ATR: variants seen among roughly 807,000 people sequenced by gnomAD.
The protein encoded by ATR is serine/threonine-protein kinase ATR.
In ATR, 142 loss-of-function variants were observed where a neutral mutation model predicts 305.3. The ratio of observed to expected loss-of-function variants is 0.47; its 90% CI spans 0.41 to 0.53. The LOEUF is 0.53. Among genes scored for constraint, ATR ranks in the 20% least tolerant of loss-of-function variants. The pLI is 0.00. For synonymous variants in ATR, 1,050 were observed against 1,068.1 expected, an observed-to-expected ratio of 0.98 and a Z score of 0.33; for missense variants, 2,135 against 3,133.1, an observed-to-expected ratio of 0.68 and a Z score of 7.60.
In ATR at chr3:142,496,527, G is replaced by C. The variant is rs1283136719; in HGVS notation, c.5739-7C>G. ...CATTTCATTGTAATCTGGTCTAAAG[G>C]AAGTAACAACACATTGGTGAGAGAG... On this transcript the variant is annotated splice_region_variant and splice_polypyrimidine_tract_variant and intron_variant, in intron 33 of 46. Coordinates refer to ENST00000350721, the MANE Select transcript of ATR (RefSeq NM_001184.4). 2 of 1,548,944 alleles carry C rather than the reference G, an allele frequency of 1.3e-6. No individual in the cohort carries two copies. The highest frequency in any genetic ancestry group is 1.8e-6 in the Non-Finnish European group (2 of 1,131,722).
intron 23 of ATR, among the ~76,000 whole-genome samples, chr3:142,521,314 C>T (rs2108392378): frequency 6.6e-6 from 1 of 152,234 alleles, no homozygotes; most frequent in East Asian, 1.9e-4. Flanking sequence ...TGACAATGTA[C>T]CTGTCACCTG....
intron 36 of ATR, among the ~76,000 whole-genome samples, chr3:142,477,263 C>T (rs1350724853): frequency 1.3e-5 from 2 of 152,108 alleles, no homozygotes; most frequent in Admixed American, 6.6e-5. Flanking sequence ...TTAGATATGT[C>T]CCATCAATAC....
At chr3:142,571,239 A>C (rs532258774) in intron 1 of ATR, among the ~76,000 whole-genome samples, 1 of 152,242 alleles carries the variant, frequency 6.6e-6, no homozygotes, top group African/African-American at 2.4e-5. Context: ...AGGCTAAGGC[A>C]GGCGGATCAT....
At chr3:142,548,599 G>A (rs554711006) in intron 15 of ATR, among the ~76,000 whole-genome samples, 1 of 151,614 alleles carries the variant, frequency 6.6e-6, no homozygotes. Flanking sequence ...AACCCAGGAG[G>A]TGGAGGTTGC....
Position 142,493,317 on chromosome 3 carries a change from A to G in ATR, c.5899-6T>C. Reference sequence around the variant, plus strand: ...AGTGCCTGGTGAACATCACCCTAAAAGAAAAAAGGCAACAATAAGCCTTTT... The same window carrying G: ...AGTGCCTGGTGAACATCACCCTAAAGGAAAAAAGGCAACAATAAGCCTTTT... On this transcript the variant is annotated splice_region_variant and splice_polypyrimidine_tract_variant and intron_variant, in intron 34 of 46. Transcript: ENST00000350721. The G allele has an allele frequency of 6.2e-7, 1 of 1,609,474 alleles. No homozygotes were observed. The highest frequency in any genetic ancestry group is 1.3e-5 in the African/African-American group (1 of 74,908).
At chr3:142,546,250 C>T (rs957891860) in intron 16 of ATR, among the ~76,000 whole-genome samples, 8 of 152,156 alleles carry the variant, frequency 5.3e-5, no homozygotes, top group Admixed American at 3.9e-4. Flanking sequence ...CCTCATGGTT[C>T]TGGCTCTCAA....
intron 34 of ATR, 67 bp downstream of exon 34, chr3:142,496,294 A>G (rs1473346354): frequency 1.7e-5 from 1 of 59,910 alleles, no homozygotes; most frequent in Non-Finnish European, 2.4e-5. Flanking sequence ...ATATATATAT[A>G]TATATATATA....
intron 38 of ATR, among the ~76,000 whole-genome samples, chr3:142,468,559 A>G (rs1214689248): frequency 5.3e-5 from 8 of 152,208 alleles, no homozygotes; most frequent in Admixed American, 5.2e-4. Context: ...AACATTAATG[A>G]ATGGCCCAAG....
chr3:142,568,791 G>A (rs1264038629), intron 1 of ATR, among the ~76,000 whole-genome samples: 1 of 152,264 alleles, frequency 6.6e-6, no homozygotes, highest in Middle Eastern at 3.2e-3. Flanking sequence ...TTGTGGGGGA[G>A]CCCAGGTGTT....
At chr3:142,505,395 A>AT in intron 28 of ATR, 92 bp from the exon 29 acceptor site, 2 of 1,481,202 alleles carry the variant, frequency 1.4e-6, no homozygotes, top group Non-Finnish European at 1.8e-6. Context: ...TGAAACAGCA[A>AT]TTTTTTGAGA....
At chr3:142,497,968 T>C (rs1226151047) in intron 32 of ATR, among the ~76,000 whole-genome samples, 1 of 152,212 alleles carries the variant, frequency 6.6e-6, no homozygotes, top group Non-Finnish European at 1.5e-5. Flanking sequence ...GCTGAGTAGC[T>C]ACAGAACAGA....
At chr3:142,565,029 G>A (rs867993825) in intron 3 of ATR, among the ~76,000 whole-genome samples, 1 of 152,134 alleles carries the variant, frequency 6.6e-6, no homozygotes, top group Non-Finnish European at 1.5e-5. Context: ...TTACAGGCGT[G>A]AGACATCGTG....
intron 1 of ATR, among the ~76,000 whole-genome samples, chr3:142,570,435 G>A (rs1158365246): frequency 2.6e-5 from 4 of 152,142 alleles, no homozygotes; most frequent in Non-Finnish European, 5.9e-5. Flanking sequence ...TGCCCAGGCT[G>A]GAGTGCAATG....
At chr3:142,506,325 T>C (rs1402723850) in intron 28 of ATR, among the ~76,000 whole-genome samples, 3 of 152,182 alleles carry the variant, frequency 2.0e-5, no homozygotes, top group Non-Finnish European at 2.9e-5. Context: ...AAGGAATATA[T>C]GAAGAAGTTA....
chr3:142,450,958 T>C, intron 46 of ATR: 1 of 1,206,114 alleles, frequency 8.3e-7, no homozygotes, highest in Non-Finnish European at 1.0e-6. Context: ...GAAAAACCCT[T>C]TGCAGAATCT....
chr3:142,501,649 A>G (rs1468392930), intron 30 of ATR, among the ~76,000 whole-genome samples: 2 of 152,248 alleles, frequency 1.3e-5, no homozygotes, highest in Non-Finnish European at 2.9e-5. Flanking sequence ...CAAGCAGCCA[A>G]CAAGCATATG....
At chr3:142,449,889 A>G (rs1311103529) in intron 46 of ATR, 1 of 442,788 alleles carries the variant, frequency 2.3e-6, no homozygotes, top group African/African-American at 2.0e-5. Flanking sequence ...ATAATTTTTT[A>G]AATCTGCTTT....
At chr3:142,578,088 G>A (rs1278296047) in intron 1 of ATR, among the ~76,000 whole-genome samples, 2 of 152,134 alleles carry the variant, frequency 1.3e-5, no homozygotes. Context: ...TACGAGGGAG[G>A]TCACATCTTC....
In ATR at chr3:142,553,837, T is replaced by G. The variant is rs1282019013; in HGVS notation, c.2520A>C (p.Gly840=). 1 of 1,613,462 alleles carries G rather than the reference T, an allele frequency of 6.2e-7. No individual in the cohort carries two copies. Among genetic ancestry groups the G allele is most frequent in the East Asian group, 2.2e-5 (1 of 44,760 alleles). ...HILESLDSED[G]FIKELFVLRM... ...AAAAATTATCAACCTCCTTTATAAA[T>G]CCATCTTCAGAGTCCAAGGATTCCA... Residue 840 remains glycine, a synonymous_variant, in exon 11 of 47, where the codon GGA becomes GGC. Coordinates refer to ENST00000350721, the MANE Select transcript of ATR (RefSeq NM_001184.4).
Sources: allele counts gnomAD v4.1 joint callset (sites outside exome capture counted in the v4.1 genomes callset), GRCh38; gene constraint gnomAD v4.1.1; transcripts MANE v1.5; gene names NCBI Gene and HGNC (gene_info 2026-07-23, HGNC 2026-07-21).